Variants in EIF3L observed in about 807,000 individuals in gnomAD.
EIF3L encodes the protein eukaryotic translation initiation factor 3 subunit L.
In EIF3L, 32 loss-of-function variants were observed where a neutral mutation model predicts 74.6. The ratio of observed to expected loss-of-function variants is 0.43; its 90% confidence interval spans 0.32 to 0.58. The LOEUF (loss-of-function observed/expected upper bound fraction) is 0.58. Ranked by LOEUF, EIF3L falls within the 20% of genes least tolerant of loss-of-function variation. The pLI is 0.06. For synonymous variants in EIF3L, 256 were observed against 254.4 expected (o/e 1.01, Z -0.06); for missense variants, 474 against 707.8 (o/e 0.67, Z 3.75).
At position 37,857,551 on chromosome 22, in the gene EIF3L, C is replaced by T. The variant is rs144889390; in HGVS notation, c.374-1128C>T. On this transcript the variant is annotated intron_variant, in intron 4 of 12. Transcript: ENST00000652021. The stretch of plus-strand genomic sequence containing the variant: ...AACACTTAACTCCTTTTTTTTTTCC[C>T]CCTAAGATGGAGTCACGGAGTCTTG... Among the ~76,000 whole-genome samples, 447 of 150,602 alleles carry T rather than the reference C, an allele frequency of 3.0e-3. 3 individuals carry two copies. Among genetic ancestry groups the T allele is most frequent in the African/African-American group, 0.01 (417 of 41,090 alleles).
chr22:37,879,752 A>G (rs1926948923), intron 11 of EIF3L: 1 of 151,700 alleles, frequency 6.6e-6, no homozygotes, highest in African/African-American at 2.4e-5. Flanking sequence ...TTAGTTAGCA[A>G]TAATCACACC....
Position 37,886,852 on chromosome 22 carries a change from G to A in EIF3L, c.1656+7G>A. 1 of 1,606,928 alleles carries A rather than the reference G, an allele frequency of 6.2e-7. No individual in the cohort carries two copies. The highest frequency in any genetic ancestry group is 8.5e-7 in the Non-Finnish European group (1 of 1,174,816). Reference sequence around the variant, plus strand: ...GATCCACAAATTTGAGGAGGTGAGAGATCTGAGAGAAGAGGGGTTTGTTGG... The same window carrying A: ...GATCCACAAATTTGAGGAGGTGAGAAATCTGAGAGAAGAGGGGTTTGTTGG... On this transcript the variant is annotated splice_region_variant and intron_variant, in intron 12 of 12. Transcript: ENST00000652021.
At chr22:37,849,544 GT>G (rs1925043052) in intron 1 of EIF3L, 62 bp downstream of exon 1, 13 of 1,514,754 alleles carry the variant, frequency 8.6e-6, no homozygotes, top group Middle Eastern at 1.9e-4. Context: ...ACCACTGGAT[GT>G]GGGTCCCGGC....
chr22:37,877,885 A>G lies in EIF3L; in HGVS notation c.1289A>G (p.Asn430Ser), dbSNP rs746766954. Residue 430 changes from asparagine to serine, a missense_variant, in exon 11 of 13, where the codon AAT (asparagine) becomes AGT (serine). By Grantham distance (46) the Asn-to-Ser change is conservative. Around this residue, in one of 4 missense-constraint regions of EIF3L, gnomAD observed 293 missense variants for 469.1 expected, o/e 0.62. Transcript: ENST00000652021. The part of the protein sequence containing the change: ...FLSPVVPNYD[N>S]VHPNYHKEPF... ...TCGCCTGTAGTGCCCAACTATGATA[A>G]TGTGCACCCCAACTACCACAAAGAG... 1 of 1,613,210 alleles carries G rather than the reference A, an allele frequency of 6.2e-7. No individual in the cohort carries two copies. The highest frequency in any genetic ancestry group is 1.1e-5 in the South Asian group (1 of 91,026).
At chr22:37,851,222 C>G in intron 2 of EIF3L, 58 bp from the exon 3 acceptor site, 1 of 1,490,302 alleles carries the variant, frequency 6.7e-7, no homozygotes. Context: ...CTTGCCATTT[C>G]GTTCTATCAT....
At chr22:37,885,443 GCTT>G (rs1040234416) in intron 11 of EIF3L, 2 of 151,696 alleles carry the variant, frequency 1.3e-5, no homozygotes, top group African/African-American at 4.8e-5. Flanking sequence ...TTGGCAAAGT[GCTT>G]CTTTTTTTTT....
At chr22:37,851,145 G>A (rs971478355) in intron 2 of EIF3L, 135 bp from the exon 3 acceptor site, 17 of 644,420 alleles carry the variant, frequency 2.6e-5, no homozygotes, top group African/African-American at 3.7e-5. Flanking sequence ...AGTGACTTGA[G>A]ATGTTTGTAT....
Position 37,868,110 on chromosome 22 carries a change from A to ATTTTTTTT in EIF3L, c.580-2051_580-2044dup, listed in dbSNP as rs545183532. Reference sequence around the variant, plus strand: ...TTGCATTACGAGAATTCTTTGTAGGATTTTTTTTTTTTTTTTTTTTTTGAG... The same window carrying ATTTTTTTT: ...TTGCATTACGAGAATTCTTTGTAGGATTTTTTTTTTTTTTTTTTTTTTTTTTTTTTGAG... On this transcript the variant is annotated intron_variant, in intron 7 of 12. Coordinates refer to ENST00000652021, the MANE Select transcript of EIF3L (RefSeq NM_016091.4). 1.4e-3 allele frequency among the ~76,000 whole-genome samples: 128 copies of ATTTTTTTT among 92,662 alleles called. 1 individual carries two copies. Among genetic ancestry groups the ATTTTTTTT allele is most frequent in the African/African-American group, 5.6e-3 (125 of 22,126 alleles). 60.8% of individuals were successfully genotyped at this position (92,662 alleles called of 152,430 possible). A position where few individuals can be genotyped will look rare whatever the true frequency, so the allele number is the denominator to read the frequency against.
At chr22:37,859,378 T>TTTTTTTC (rs1432498233) in intron 5 of EIF3L, among the ~76,000 whole-genome samples, 2 of 126,390 alleles carry the variant, frequency 1.6e-5, no homozygotes, top group African/African-American at 6.5e-5. Flanking sequence ...AAGTTTCTTT[T>TTTTTTTC]TTTTTTTTTT....
intron 7 of EIF3L, among the ~76,000 whole-genome samples, chr22:37,867,954 C>CAAAAAA (rs540704187): frequency 1.6e-5 from 1 of 60,720 alleles, no homozygotes; most frequent in African/African-American, 6.2e-5. Flanking sequence ...GACTCCATCT[C>CAAAAAA]AAAAAAAAAA....
In EIF3L at chr22:37,886,234, A is replaced by C. The variant is rs1037263369; in HGVS notation, c.1576-531A>C. 17 of 151,276 alleles carry C rather than the reference A, an allele frequency of 1.1e-4. 1 individual carries two copies. The highest frequency in any genetic ancestry group is 4.1e-4 in the African/African-American group (17 of 41,394). The allele number at this position is 151,276 out of a possible 1,614,324, so 9.4% of individuals were successfully genotyped here. On this transcript the variant is annotated intron_variant, in intron 11 of 12. Transcript: ENST00000652021. ...ACTAGAAAATAAAAGACAAAAAAAA[A>C]GTCTAGAAAATAAAAGTACAAATGA...
chr22:37,861,045 T>G (rs1481960428), intron 5 of EIF3L, among the ~76,000 whole-genome samples: 1 of 152,220 alleles, frequency 6.6e-6, no homozygotes, highest in Non-Finnish European at 1.5e-5. Context: ...TTTCTTAATC[T>G]ACTGGAAGGT....
intron 3 of EIF3L, among the ~76,000 whole-genome samples, chr22:37,853,026 A>C (rs1925310270): frequency 1.3e-5 from 2 of 152,200 alleles, no homozygotes; most frequent in African/African-American, 4.8e-5. Context: ...GCTACCAATG[A>C]TGAATCCGTA....
In EIF3L at chr22:37,870,171, AAC is replaced by A. The variant is rs898096610; in HGVS notation, c.580-3_580-2del. The A allele has an allele frequency of 6.3e-7, 1 of 1,589,348 alleles. No homozygotes were observed. The highest frequency in any genetic ancestry group is 1.3e-5 in the African/African-American group (1 of 74,236). ...CTACTGCATGTTTCTTTTCTTCCTC[AAC>A]AGTTTCAGTCATTCAGTCAGTACCG... On this transcript the variant is annotated splice_polypyrimidine_tract_variant and splice_region_variant and intron_variant, in intron 7 of 12. Coordinates refer to ENST00000652021, the MANE Select transcript of EIF3L (RefSeq NM_016091.4).
intron 7 of EIF3L, among the ~76,000 whole-genome samples, chr22:37,865,715 C>T (rs1295833834): frequency 6.6e-6 from 1 of 152,230 alleles, no homozygotes; most frequent in Non-Finnish European, 1.5e-5. Flanking sequence ...CAGTGCCTTT[C>T]ATAGCAAAGG....
intron 11 of EIF3L, chr22:37,885,094 T>G (rs1286408937): frequency 1.3e-5 from 2 of 151,848 alleles, no homozygotes; most frequent in African/African-American, 2.4e-5. Flanking sequence ...AATTTTTGTA[T>G]TTTTTGTAGA....
intron 1 of EIF3L, chr22:37,849,773 T>C: frequency 1.6e-6 from 1 of 608,780 alleles, no homozygotes; most frequent in Non-Finnish European, 2.9e-6. Context: ...CTCCGTCTGG[T>C]CAAATCTCGC....
chr22:37,875,327 G>A (rs1039362281), intron 9 of EIF3L, among the ~76,000 whole-genome samples: 1 of 150,998 alleles, frequency 6.6e-6, no homozygotes, highest in Non-Finnish European at 1.5e-5. Context: ...GCAGTGAGCC[G>A]AGATCACACC....
intron 12 of EIF3L, 105 bp downstream of exon 12, chr22:37,886,950 A>G (rs1476419304): frequency 4.5e-6 from 4 of 886,476 alleles, no homozygotes; most frequent in South Asian, 4.4e-5. Context: ...TTATTTTGAG[A>G]TGGAGTCTTG....
Sources: allele counts gnomAD v4.1 joint callset (sites outside exome capture counted in the v4.1 genomes callset), GRCh38; gene constraint gnomAD v4.1.1; regional missense constraint gnomAD v4.1.1; transcripts MANE v1.5; gene names NCBI Gene and HGNC (gene_info 2026-07-23, HGNC 2026-07-21).